Variants in PCDHGA6 observed in about 807,000 individuals in gnomAD.
PCDHGA6 encodes the protein protocadherin gamma-A6.
In PCDHGA6, 41 loss-of-function variants were observed where a neutral mutation model predicts 60.6. The ratio of observed to expected loss-of-function variants is 0.68; its 90% CI spans 0.53 to 0.88. The LOEUF (loss-of-function observed/expected upper bound fraction) is 0.88. PCDHGA6 is among the 40% of genes least tolerant of loss of function. The probability of loss-of-function intolerance (pLI) is 0.00; values close to 1 mark genes in which losing one functional copy is unlikely to be tolerated. For synonymous variants in PCDHGA6, 594 were observed against 524.4 expected (o/e 1.13, Z -1.81); for missense variants, 1,312 against 1,203.0 (o/e 1.09, Z -1.34).
chr5:141,481,913 CAAAAAA>C (rs34114744), intron 1 of PCDHGA6, among the ~76,000 whole-genome samples: 1 of 90,850 alleles, frequency 1.1e-5, no homozygotes. Flanking sequence ...AACTCCATCT[CAAAAAA>C]AAAAAAAAAA....
chr5:141,390,679 C>T (rs1180129734), intron 1 of PCDHGA6: 1 of 185,884 alleles, frequency 5.4e-6, no homozygotes, highest in Non-Finnish European at 1.1e-5. Flanking sequence ...AATAATAAAG[C>T]CAAAGAATTT....
chr5:141,407,798 A>T (rs2094982737), intron 1 of PCDHGA6, among the ~76,000 whole-genome samples: 1 of 152,256 alleles, frequency 6.6e-6, no homozygotes, highest in Non-Finnish European at 1.5e-5. Context: ...AACACAAAGC[A>T]TAGAAATATC....
rs199965876 is a variant in PCDHGA6, at chr5:141,419,464, C to G, written c.2424+42957C>G. ...CCTTCGAGCTCACGCTGCAGGCCCG[C>G]GACCAGGGCTCGCCCGCGCTCAGCG... On this transcript the variant is annotated intron_variant, in intron 1 of 3. Transcript: ENST00000517434. 4 of 1,612,542 alleles carry G rather than the reference C, an allele frequency of 2.5e-6. No homozygotes were observed. In the Admixed American group the frequency reaches 6.7e-5, roughly 27 times the overall value.
intron 1 of PCDHGA6, chr5:141,388,337 A>G (rs1256150334): frequency 6.2e-7 from 1 of 1,613,990 alleles, no homozygotes; most frequent in Non-Finnish European, 8.5e-7. Context: ...CTGGCACACG[A>G]TTTATATTAG....
chr5:141,486,745 C>T lies in PCDHGA6; in HGVS notation c.2425-8062C>T, dbSNP rs1167986336. On this transcript the variant is annotated intron_variant, in intron 1 of 3. Coordinates refer to ENST00000517434, the MANE Select transcript of PCDHGA6 (RefSeq NM_018919.3). This position sits in a 1 kb window ranked among gnomAD's most constrained non-coding sequence, Gnocchi z 5.0. ...CTGTTCATGCTACTCGATCCTTTGA[C>T]TATGAGCAAACCCAGACACTGCAGT... 3.1e-6 allele frequency: 5 copies of T among 1,614,226 alleles called. No homozygotes were observed. The highest frequency in any genetic ancestry group is 3.4e-6 in the Non-Finnish European group (4 of 1,180,044).
chr5:141,419,240 G>A lies in PCDHGA6; in HGVS notation c.2424+42733G>A, dbSNP rs753956971. On this transcript the variant is annotated intron_variant, in intron 1 of 3. Coordinates refer to ENST00000517434, the MANE Select transcript of PCDHGA6 (RefSeq NM_018919.3). ...CGGACAGTCAGCCTACCTGGTCCAC[G>A]TGCCAGAAAACAACCAGCCGGGTGC... is the stretch of plus-strand genomic sequence containing the variant. 6.8e-6 allele frequency: 11 copies of A among 1,613,862 alleles called. No individual in the cohort carries two copies. The highest frequency in any genetic ancestry group is 1.7e-5 in the Admixed American group (1 of 60,018).
At chr5:141,411,045 T>G (rs1409162601) in intron 1 of PCDHGA6, 1 of 159,716 alleles carries the variant, frequency 6.3e-6, no homozygotes, top group Non-Finnish European at 1.4e-5. Flanking sequence ...AGACATGGGG[T>G]TTCACTATGT....
chr5:141,433,379 CTAT>C (rs2097594474), intron 1 of PCDHGA6, among the ~76,000 whole-genome samples: 1 of 151,230 alleles, frequency 6.6e-6, no homozygotes, highest in Non-Finnish European at 1.5e-5. Context: ...ATCTATCTAT[CTAT>C]CTATCTATCT....
At chr5:141,464,426 G>GAT (rs1287556960) in intron 1 of PCDHGA6, among the ~76,000 whole-genome samples, 1 of 151,096 alleles carries the variant, frequency 6.6e-6, no homozygotes, top group African/African-American at 2.4e-5. Flanking sequence ...TATATATATA[G>GAT]ATATATATGT....
At chr5:141,405,339 A>G in intron 1 of PCDHGA6, 1 of 1,614,178 alleles carries the variant, frequency 6.2e-7, no homozygotes, top group Non-Finnish European at 8.5e-7. Context: ...GTCTCTGTTG[A>G]TTCCAAGTTT....
Position 141,374,655 on chromosome 5 carries a change from A to T in PCDHGA6, c.572A>T (p.Tyr191Phe), listed in dbSNP as rs1490179096. The T allele has an allele frequency of 2.2e-5, 36 of 1,611,798 alleles. No homozygotes were observed. Among genetic ancestry groups the T allele is most frequent in the Non-Finnish European group, 3.1e-5 (36 of 1,178,830 alleles). Residue 191 changes from tyrosine (Y) to phenylalanine (F), a missense_variant, in exon 1 of 4, where the codon TAC (tyrosine) becomes TTC (phenylalanine). By Grantham distance (22) the Tyr-to-Phe change is conservative. Coordinates refer to ENST00000517434, the MANE Select transcript of PCDHGA6 (RefSeq NM_018919.3). ...CAAAGCGAAGCCCATGGGCCCAAGT[A>T]CCCGGAGCTGGTGCTGGAGGGCACA... ...DVQSEAHGPK[Y>F]PELVLEGTLD... is the part of the protein sequence containing the mutation.
intron 2 of PCDHGA6, among the ~76,000 whole-genome samples, chr5:141,502,002 C>T (rs1434269040): frequency 1.3e-5 from 2 of 152,164 alleles, no homozygotes; most frequent in South Asian, 2.1e-4. Context: ...CCTGACAACC[C>T]GCATGCTCTC....
At chr5:141,459,814 T>C (rs757306281) in intron 1 of PCDHGA6, among the ~76,000 whole-genome samples, 1 of 152,256 alleles carries the variant, frequency 6.6e-6, no homozygotes, top group African/African-American at 2.4e-5. Flanking sequence ...CTAGAGACAC[T>C]GAGCAACTTT....
intron 1 of PCDHGA6, among the ~76,000 whole-genome samples, chr5:141,449,909 A>G (rs2098658849): frequency 6.6e-6 from 1 of 151,828 alleles, no homozygotes; most frequent in Non-Finnish European, 1.5e-5. Context: ...TATAGTCCAT[A>G]TTTAAATTCT....
At chr5:141,509,625 G>T (rs915049847) in intron 3 of PCDHGA6, among the ~76,000 whole-genome samples, 1 of 152,186 alleles carries the variant, frequency 6.6e-6, no homozygotes, top group Non-Finnish European at 1.5e-5. Flanking sequence ...AAGTTCCTGG[G>T]TGATGCTGAG....
Position 141,444,152 on chromosome 5 carries a change from ATTTTTTTTTTTTTTTTT to A in PCDHGA6, c.2425-50635_2425-50619del, listed in dbSNP as rs747671382. Among the ~76,000 whole-genome samples, 167 of 33,906 alleles carry A rather than the reference ATTTTTTTTTTTTTTTTT, an allele frequency of 4.9e-3. 1 individual carries two copies. The highest frequency in any genetic ancestry group is 7.0e-3 in the Non-Finnish European group (136 of 19,318). The allele number at this position is 33,906 out of a possible 152,430, so 22.2% of individuals were successfully genotyped here. A position where few individuals can be genotyped will look rare whatever the true frequency, so the allele number is the denominator to read the frequency against. On this transcript the variant is annotated intron_variant, in intron 1 of 3. Coordinates refer to ENST00000517434, the MANE Select transcript of PCDHGA6 (RefSeq NM_018919.3). ...GATATGTGTCACTTGTGTGTACTGG[ATTTTTTTTTTTTTTTTT>A]TTTTTTTTTTTTTTTTTTTGAGATG...
intron 1 of PCDHGA6, among the ~76,000 whole-genome samples, chr5:141,471,855 G>A (rs955016680): frequency 3.3e-5 from 5 of 152,108 alleles, no homozygotes; most frequent in Non-Finnish European, 7.4e-5. Context: ...TTCAGAAAAA[G>A]CAAAACTGTG....
intron 1 of PCDHGA6, among the ~76,000 whole-genome samples, chr5:141,492,337 C>T (rs559700346): frequency 1.0e-3 from 158 of 152,324 alleles, no homozygotes; most frequent in African/African-American, 3.7e-3. Flanking sequence ...TACGCGAATA[C>T]CAGCTTTCAC....
At chr5:141,437,796 G>A (rs2097911691) in intron 1 of PCDHGA6, among the ~76,000 whole-genome samples, 1 of 150,348 alleles carries the variant, frequency 6.7e-6, no homozygotes, top group South Asian at 2.1e-4. Context: ...GGAGTGCAGT[G>A]GCACTATCTT....
Sources: allele counts gnomAD v4.1 joint callset (sites outside exome capture counted in the v4.1 genomes callset), GRCh38; gene constraint gnomAD v4.1.1; non-coding constraint Gnocchi (gnomAD v3.1); transcripts MANE v1.5; gene names NCBI Gene and HGNC (gene_info 2026-07-23, HGNC 2026-07-21).